Variants in CACNA1E observed in about 807,000 individuals in gnomAD.
CACNA1E encodes calcium voltage-gated channel subunit alpha1 E.
A neutral mutation model predicts 259.2 loss-of-function variants in CACNA1E; 40 were observed. That is an observed-to-expected ratio of 0.15 (90% CI 0.12 to 0.20). The LOEUF is 0.20. Among genes scored for constraint, CACNA1E ranks in the 10% least tolerant of loss-of-function variants. The pLI, the probability that CACNA1E is intolerant of heterozygous loss-of-function variation, is 1.00. For missense variants in CACNA1E, 1,874 were observed against 3,040.1 expected (o/e 0.62, Z 9.02); for synonymous variants, 1,104 against 1,138.5 (o/e 0.97, Z 0.61).
intron 3 of CACNA1E, among the ~76,000 whole-genome samples, chr1:181,514,013 G>A (rs1040769295): frequency 1.3e-5 from 2 of 152,146 alleles, no homozygotes; most frequent in African/African-American, 4.8e-5. Flanking sequence ...AGCATGGACC[G>A]TTCCCTTTCT....
chr1:181,403,243 G>T (rs678995), intron 1 of CACNA1E, among the ~76,000 whole-genome samples: 76,610 of 150,946 alleles, frequency 0.51, 20,177 homozygotes, highest in African/African-American at 0.65. Context: ...AAGTAAAAAT[G>T]TAAAGGATTT....
chr1:181,594,558 C>T (rs932038973), intron 6 of CACNA1E, among the ~76,000 whole-genome samples: 1 of 152,146 alleles, frequency 6.6e-6, no homozygotes, highest in Non-Finnish European at 1.5e-5. Context: ...GCTACCATGC[C>T]AGACTAATTT....
At chr1:181,720,955 C>T in intron 15 of CACNA1E, 100 bp downstream of exon 15, 1 of 774,836 alleles carries the variant, frequency 1.3e-6, no homozygotes, top group Non-Finnish European at 2.2e-6. Flanking sequence ...CTTTTCCTTT[C>T]CAGGCTCCTC....
In CACNA1E at chr1:181,586,368, C is replaced by T. The variant is rs753090773; in HGVS notation, c.951+5592C>T. ...CTGGAGAAATAAATTTGGGAGTTTT[C>T]AGTGTATAGATGGTAAAGTATTGAG... is the stretch of plus-strand genomic sequence containing the variant. On this transcript the variant is annotated intron_variant, in intron 6 of 47. Transcript: ENST00000367573. Among the ~76,000 whole-genome samples, 3 of 152,006 alleles carry T rather than the reference C, an allele frequency of 2.0e-5. No homozygotes were observed. In the South Asian group the frequency reaches 6.2e-4, roughly 32 times the overall value.
At chr1:181,602,034 CT>C (rs1402698072) in intron 6 of CACNA1E, among the ~76,000 whole-genome samples, 1 of 152,224 alleles carries the variant, frequency 6.6e-6, no homozygotes, top group Non-Finnish European at 1.5e-5. Flanking sequence ...CTTTCCCGTC[CT>C]CTGGTCTTTA....
intron 3 of CACNA1E, among the ~76,000 whole-genome samples, chr1:181,547,524 C>T (rs1246275824): frequency 2.0e-5 from 3 of 152,324 alleles, no homozygotes; most frequent in African/African-American, 7.2e-5. Context: ...TCCAGAGTCC[C>T]CGCAAGGGGC....
At position 181,353,729 on chromosome 1, in the gene CACNA1E, C is replaced by T. The variant is rs550087945; in HGVS notation, c.-15+35606C>T. Among the ~76,000 whole-genome samples, 3 of 152,224 alleles carry T rather than the reference C, an allele frequency of 2.0e-5. No homozygotes were observed. In the South Asian group the frequency reaches 6.2e-4, roughly 32 times the overall value. On this transcript the variant is annotated intron_variant, in intron 1 of 11. Transcript: ENST00000524607. Reference sequence around the variant, plus strand: ...AATGCATCCCATTGGCTAAAGCAGTCACAGATCCACCCACCTAGATTCAAG... The same window carrying T: ...AATGCATCCCATTGGCTAAAGCAGTTACAGATCCACCCACCTAGATTCAAG...
chr1:181,773,218 A>AG (rs1363105180), intron 37 of CACNA1E, among the ~76,000 whole-genome samples: 8 of 152,164 alleles, frequency 5.3e-5, no homozygotes, highest in African/African-American at 4.8e-5. Context: ...CTCTCCAGTG[A>AG]GGGGGGTGGG....
At position 181,606,447 on chromosome 1, in the gene CACNA1E, C is replaced by T. The variant is rs565692885; in HGVS notation, c.951+25671C>T. Among the ~76,000 whole-genome samples, 83 of 152,306 alleles carry T rather than the reference C, an allele frequency of 5.4e-4. 1 individual carries two copies. In the South Asian group the frequency reaches 0.014, roughly 26 times the overall value. ...GGATGCTACCTCCAAAATATATCCCCGGCTGCGCCCAGTCCTCCCTCCCCA... is the reference window on the plus strand; with the variant it reads ...GGATGCTACCTCCAAAATATATCCCTGGCTGCGCCCAGTCCTCCCTCCCCA... On this transcript the variant is annotated intron_variant, in intron 6 of 47. Transcript: ENST00000367573.
chr1:181,370,045 G>C (rs1035285167), intron 1 of CACNA1E, among the ~76,000 whole-genome samples: 2 of 151,404 alleles, frequency 1.3e-5, no homozygotes, highest in Non-Finnish European at 2.9e-5. Flanking sequence ...TCACAGTTGA[G>C]AATTTTAATT....
At chr1:181,530,043 G>A (rs1278840367) in intron 3 of CACNA1E, among the ~76,000 whole-genome samples, 2 of 152,216 alleles carry the variant, frequency 1.3e-5, no homozygotes, top group Admixed American at 1.3e-4. Context: ...AACTTCAGTT[G>A]TATCTCCCAT....
chr1:181,396,996 G>C (rs1656724343), intron 1 of CACNA1E, among the ~76,000 whole-genome samples: 1 of 152,198 alleles, frequency 6.6e-6, no homozygotes. Flanking sequence ...CAGCGAACCT[G>C]GCCAATGGAA....
chr1:181,489,176 C>G (rs1664100524), intron 1 of CACNA1E, among the ~76,000 whole-genome samples: 2 of 152,180 alleles, frequency 1.3e-5, no homozygotes, highest in Admixed American at 1.3e-4. Flanking sequence ...TTGCTTATCA[C>G]TGACCACAAA....
intron 1 of CACNA1E, among the ~76,000 whole-genome samples, chr1:181,410,169 C>T (rs1012543947): frequency 2.6e-5 from 4 of 152,132 alleles, no homozygotes; most frequent in African/African-American, 9.7e-5. Context: ...GACATTTAAA[C>T]ATCGTAGGAA....
Position 181,739,064 on chromosome 1 carries a change from G to T in CACNA1E, c.3613-83G>T, listed in dbSNP as rs1036219467. On this transcript the variant is annotated intron_variant, in intron 24 of 47. Coordinates refer to ENST00000367573, the MANE Select transcript of CACNA1E (RefSeq NM_001205293.3). ...TGGTTGTGGAGACAGTGGCAGTGGG[G>T]GCACTGCCATGATGAACAGAGCTCA... 4.8e-6 allele frequency: 4 copies of T among 831,838 alleles called. No homozygotes were observed. In the Admixed American group the frequency reaches 7.0e-5, roughly 15 times the overall value. The allele number at this position is 831,838 out of a possible 1,614,324, so 51.5% of individuals were successfully genotyped here.
chr1:181,554,995 T>A (rs1003660577), intron 3 of CACNA1E, among the ~76,000 whole-genome samples: 2 of 152,148 alleles, frequency 1.3e-5, no homozygotes, highest in African/African-American at 2.4e-5. Flanking sequence ...GAGATTATAA[T>A]CCCTATGCAG....
At chr1:181,631,705 G>A (rs74883369) in intron 6 of CACNA1E, among the ~76,000 whole-genome samples, 1 of 152,288 alleles carries the variant, frequency 6.6e-6, no homozygotes, top group South Asian at 2.1e-4. Flanking sequence ...GGAAGAGGAG[G>A]AGATAGATCT....
intron 7 of CACNA1E, among the ~76,000 whole-genome samples, chr1:181,668,194 C>T (rs909428232): frequency 6.6e-6 from 1 of 152,198 alleles, no homozygotes; most frequent in African/African-American, 2.4e-5. Flanking sequence ...CCAACACATT[C>T]TTCTAATTTT....
intron 3 of CACNA1E, among the ~76,000 whole-genome samples, chr1:181,573,682 T>C (rs1650647607): frequency 6.6e-6 from 1 of 152,218 alleles, no homozygotes; most frequent in Non-Finnish European, 1.5e-5. Flanking sequence ...TTGGTGGGAA[T>C]GTAAATTAGT....
Sources: allele counts gnomAD v4.1 joint callset (sites outside exome capture counted in the v4.1 genomes callset), GRCh38; gene constraint gnomAD v4.1.1; transcripts MANE v1.5; gene names NCBI Gene and HGNC (gene_info 2026-07-23, HGNC 2026-07-21).